SLC22A12: variants seen among roughly 807,000 people sequenced by gnomAD.
SLC22A12 encodes the protein solute carrier family 22 member 12.
SLC22A12 carries 56 observed loss-of-function variants against 52.7 expected under a neutral mutation model. The ratio of observed to expected loss-of-function variants is 1.06; its 90% CI spans 0.86 to 1.33. The LOEUF (loss-of-function observed/expected upper bound fraction) is 1.33, where lower values mean the gene tolerates loss of function less well. SLC22A12 is among the 40% of genes most tolerant of loss of function. The probability of loss-of-function intolerance (pLI) is 0.00; values close to 1 mark genes in which losing one functional copy is unlikely to be tolerated. For missense variants in SLC22A12, 683 were observed against 741.5 expected, an observed-to-expected ratio of 0.92 and a Z score of 0.92; for synonymous variants, 337 against 324.6, an observed-to-expected ratio of 1.04 and a Z score of -0.41.
chr11:64,599,576 ACACCCCCACCC>A, intron 6 of SLC22A12, 89 bp from the exon 7 acceptor site: 1 of 759,010 alleles, frequency 1.3e-6, no homozygotes, highest in Non-Finnish European at 2.1e-6. Flanking sequence ...TAAGAGCAGC[ACACCCCCACCC>A]TGAGCCCCCA....
Position 64,598,533 on chromosome 11 carries a change from C to A in SLC22A12, c.848C>A (p.Ala283Glu). 6.3e-7 allele frequency: 1 copy of A among 1,588,656 alleles called. No individual in the cohort carries two copies. The highest frequency in any genetic ancestry group is 1.1e-5 in the South Asian group (1 of 86,980). ...FLYSWWLAES[A>E]RWLLTTGRLD... The stretch of plus-strand genomic sequence containing the variant: ...CACTTAAGGTGGCTGGCAGAGTCGG[C>A]ACGATGGCTCCTCACCACAGGCAGG... The change falls in exon 5 of 10, where the codon GCA becomes GAA. Residue 283 changes from alanine to glutamate, a missense_variant. Transcript: ENST00000377574.
chr11:64,595,426 AGATGGATGGATGGAT>A (rs2039131852), intron 4 of SLC22A12, among the ~76,000 whole-genome samples: 2 of 99,752 alleles, frequency 2.0e-5, no homozygotes, highest in Admixed American at 1.1e-4. Context: ...TGTTTGGAAT[AGATGGATGGATGGAT>A]GATGGATGGA....
intron 4 of SLC22A12, among the ~76,000 whole-genome samples, chr11:64,597,223 C>A (rs1409700748): frequency 6.6e-6 from 1 of 152,096 alleles, no homozygotes; most frequent in African/African-American, 2.4e-5. Flanking sequence ...ATCTGGCCAC[C>A]ATCACTTGTG....
In SLC22A12 at chr11:64,601,684, A is replaced by C; in HGVS notation, c.*133A>C. The C allele has an allele frequency of 1.0e-6, 1 of 990,720 alleles. No individual in the cohort carries two copies. Among genetic ancestry groups the C allele is most frequent in the Non-Finnish European group, 1.6e-6 (1 of 644,782 alleles). 61.4% of individuals were successfully genotyped at this position (990,720 alleles called of 1,614,324 possible). A position where few individuals can be genotyped will look rare whatever the true frequency, so the allele number is the denominator to read the frequency against. On this transcript the variant is annotated 3_prime_UTR_variant, in exon 10 of 10. Coordinates refer to ENST00000377574, the MANE Select transcript of SLC22A12 (RefSeq NM_144585.4). ...CCCTCTGAGGTCCCCACTCTCCCCCAGGGCTGCCCCTCCAGGTGAGCCCTG... is the reference window on the plus strand; with the variant it reads ...CCCTCTGAGGTCCCCACTCTCCCCCCGGGCTGCCCCTCCAGGTGAGCCCTG...
chr11:64,594,740 G>A (rs1189576323), intron 4 of SLC22A12, among the ~76,000 whole-genome samples: 1 of 145,602 alleles, frequency 6.9e-6, no homozygotes, highest in Non-Finnish European at 1.5e-5. Context: ...CAGACGGACG[G>A]ACGGTTGGAT....
chr11:64,597,693 G>T (rs550475425), intron 4 of SLC22A12, among the ~76,000 whole-genome samples: 2 of 152,250 alleles, frequency 1.3e-5, no homozygotes. Flanking sequence ...GGGACAACAC[G>T]TCTGGCTGAA....
chr11:64,600,565 T>C (rs2039422033), intron 8 of SLC22A12, 90 bp downstream of exon 8: 4 of 1,359,962 alleles, frequency 2.9e-6, no homozygotes, highest in Non-Finnish European at 4.0e-6. Flanking sequence ...CAGACCTAGA[T>C]GTTCATGTCA....
Position 64,600,942 on chromosome 11 carries a change from A to C in SLC22A12, c.1598+4A>C, listed in dbSNP as rs748356525. The C allele has an allele frequency of 5.6e-6, 9 of 1,607,036 alleles. No homozygotes were observed. Among genetic ancestry groups the C allele is most frequent in the Non-Finnish European group, 7.6e-6 (9 of 1,179,942 alleles). On this transcript the variant is annotated splice_donor_region_variant and intron_variant, in intron 9 of 9. Coordinates refer to ENST00000377574, the MANE Select transcript of SLC22A12 (RefSeq NM_144585.4). Reference sequence around the variant, plus strand: ...CCATCCAAGATGTGCAGAACCAGTGAGTGGACCCAGCCTCGGGACCACCCC... The same window carrying C: ...CCATCCAAGATGTGCAGAACCAGTGCGTGGACCCAGCCTCGGGACCACCCC...
chr11:64,599,609 TCCCACCCTGCCCACCAC>T, intron 6 of SLC22A12, 50 bp from the exon 7 acceptor site: 3 of 221,470 alleles, frequency 1.4e-5, no homozygotes, highest in South Asian at 5.1e-5. Flanking sequence ...CGCCCATTGT[TCCCACCCTGCCCACCAC>T]CCCCCCCCAC....
chr11:64,599,104 G>T (rs1194985700), intron 6 of SLC22A12, among the ~76,000 whole-genome samples, 181 bp downstream of exon 6: 1 of 152,168 alleles, frequency 6.6e-6, no homozygotes, highest in Non-Finnish European at 1.5e-5. Flanking sequence ...TCACTGAGGG[G>T]GCCTTAATAA....
rs145454847 is a variant in SLC22A12 at position 64,600,419 on chromosome 11, G to A, written c.1338G>A (p.Gly446=). 3.1e-6 allele frequency: 5 copies of A among 1,608,072 alleles called. No individual in the cohort carries two copies. The African/African-American group carries it at 4.0e-5, about 13-fold the overall frequency. The change falls in exon 8 of 10, where the codon GGG becomes GGA. Residue 446 remains glycine (G), a synonymous_variant. Coordinates refer to ENST00000377574, the MANE Select transcript of SLC22A12 (RefSeq NM_144585.4). The part of the protein sequence containing the change: ...ALAVLGLGGV[G]AAFTCITIYS... ...CCGTGCTGGGGCTGGGCGGGGTGGG[G>A]GCTGCCTTCACCTGCATCACCATCT...
In SLC22A12 at chr11:64,598,923, G is replaced by A. The variant is rs534253348; in HGVS notation, c.1070G>A (p.Trp357Ter). 10 of 1,612,634 alleles carry A rather than the reference G, an allele frequency of 6.2e-6. No homozygotes were observed. The Admixed American group carries it at 6.7e-5, about 11-fold the overall frequency. ...CGGACCTGTATCTCCACGTTGTGCT[G>A]GTAGATGCCCTTCCCCCAACCCCAC... ...RFRTCISTLC[W>*]FAFGFTFFGL... Residue 357 changes from tryptophan to a stop codon, truncating the protein, a stop_gained and splice_region_variant, in exon 6 of 10, where the codon TGG (tryptophan) becomes TAG (stop). Transcript: ENST00000377574. LOFTEE classifies it high-confidence loss of function.
chr11:64,600,356 T>A lies in SLC22A12; in HGVS notation c.1286-11T>A, dbSNP rs1280931828. 3 of 1,593,014 alleles carry A rather than the reference T, an allele frequency of 1.9e-6. No individual in the cohort carries two copies. The highest frequency in any genetic ancestry group is 2.6e-6 in the Non-Finnish European group (3 of 1,171,978). ...CCCCACCAAGCTCACTAATCCCATC[T>A]CTACCCACAGAAATGGGGGCTCTGC... On this transcript the variant is annotated splice_polypyrimidine_tract_variant and intron_variant, in intron 7 of 9. Transcript: ENST00000377574.
At position 64,599,723 on chromosome 11, in the gene SLC22A12, C is replaced by T. The variant is rs773056120; in HGVS notation, c.1118C>T (p.Ala373Val). 4.2e-5 allele frequency: 68 copies of T among 1,610,878 alleles called. No individual in the cohort carries two copies. Among genetic ancestry groups the T allele is most frequent in the Middle Eastern group, 1.7e-4 (1 of 6,052 alleles). Residue 373 changes from alanine to valine, a missense_variant, in exon 7 of 10, where the codon GCC becomes GTC. Transcript: ENST00000377574. ...TTCGGCCTGGCCCTGGACCTGCAGG[C>T]CCTGGGCAGCAACATCTTCCTGCTC... is the stretch of plus-strand genomic sequence containing the variant. ...TFFGLALDLQ[A>V]LGSNIFLLQM...
intron 4 of SLC22A12, among the ~76,000 whole-genome samples, chr11:64,595,250 A>ATGGT (rs2039106657): frequency 1.2e-5 from 1 of 81,304 alleles, no homozygotes; most frequent in African/African-American, 4.1e-5. Context: ...GGATGGATGG[A>ATGGT]TGGAATGGAT....
intron 4 of SLC22A12, 134 bp from the exon 5 acceptor site, chr11:64,598,382 A>G (rs2135464119): frequency 5.4e-6 from 7 of 1,293,836 alleles, no homozygotes; most frequent in African/African-American, 2.9e-5. Context: ...GGCTGCCACA[A>G]CGCCCTTCGG....
intron 2 of SLC22A12, among the ~76,000 whole-genome samples, 199 bp from the exon 3 acceptor site, chr11:64,593,206 C>T (rs904807141): frequency 6.6e-6 from 1 of 152,276 alleles, no homozygotes; most frequent in Non-Finnish European, 1.5e-5. Context: ...GGAGCCCATT[C>T]CCTTTGGCTC....
Position 64,599,057 on chromosome 11 carries a change from G to C in SLC22A12, c.1070+134G>C, listed in dbSNP as rs11601236. On this transcript the variant is annotated intron_variant, in intron 6 of 9. Transcript: ENST00000377574. ...AACACCGACACCTTCCCCTCTGTCAGTCACTCCCGACAGGAGACAACCCAG... is the reference window on the plus strand; with the variant it reads ...AACACCGACACCTTCCCCTCTGTCACTCACTCCCGACAGGAGACAACCCAG... 49,558 of 1,322,024 alleles carry C rather than the reference G, an allele frequency of 0.037. 1,069 individuals carry two copies. Among genetic ancestry groups the C allele is most frequent in the Non-Finnish European group, 0.044 (41,687 of 954,124 alleles). The allele number at this position is 1,322,024 out of a possible 1,614,324, so 81.9% of individuals were successfully genotyped here. A position where few individuals can be genotyped will look rare whatever the true frequency, so the allele number is the denominator to read the frequency against.
intron 6 of SLC22A12, among the ~76,000 whole-genome samples, chr11:64,599,333 G>A (rs2039364277): frequency 1.3e-5 from 2 of 152,086 alleles, no homozygotes; most frequent in African/African-American, 2.4e-5. Flanking sequence ...AGGAGGGAAG[G>A]ACTGTTCAGT....
Sources: gnomAD v4.1 joint callset for allele counts (sites outside exome capture counted in the v4.1 genomes callset) on GRCh38, gnomAD v4.1.1 for gene constraint, MANE v1.5 for transcripts, NCBI Gene and HGNC (gene_info 2026-07-23, HGNC 2026-07-21) for gene names.